The following SIAH2 variants were observed in gnomAD, a reference collection of about 807,000 sequenced individuals.
The protein encoded by SIAH2 is siah E3 ubiquitin protein ligase 2, also known as E3 ubiquitin-protein ligase SIAH2.
In SIAH2, 4 loss-of-function variants were observed where a neutral mutation model predicts 20.4. The observed-to-expected ratio is 0.20, with a 90% CI of 0.10 to 0.45. SIAH2 has a LOEUF of 0.45. Among genes scored for constraint, SIAH2 ranks in the 20% least tolerant of loss-of-function variants. SIAH2 has a pLI of 0.99. For missense variants in SIAH2, 259 were observed against 440.3 expected (o/e 0.59, Z 3.69); for synonymous variants, 171 against 192.5 (o/e 0.89, Z 0.93).
chr3:150,763,007 G>A lies in SIAH2; in HGVS notation c.-158C>T. 6 of 820,362 alleles carry A rather than the reference G, an allele frequency of 7.3e-6. No homozygotes were observed. Among genetic ancestry groups the A allele is most frequent in the Non-Finnish European group, 9.1e-6 (6 of 658,710 alleles). 50.8% of individuals were successfully genotyped at this position (820,362 alleles called of 1,614,324 possible). A position where few individuals can be genotyped will look rare whatever the true frequency, so the allele number is the denominator to read the frequency against. ...AGACGCTCGGCGCCCGGCAGGCGGA[G>A]GGCTGGACCGCGCTGATGCACTCCG... On this transcript the variant is annotated 5_prime_UTR_variant, in exon 1 of 2. Transcript: ENST00000312960. The surrounding 1 kb of genome is among the most constrained non-coding windows in gnomAD (Gnocchi z 4.1).
Position 150,762,309 on chromosome 3 carries a change from C to T in SIAH2, c.417+124G>A. ...TGAGGGAGGGTGGACGAAGTGTAAA[C>T]ATTTTTTCTTTTTTTTTTTTAAATG... is the stretch of plus-strand genomic sequence containing the variant. On this transcript the variant is annotated intron_variant, in intron 1 of 1. Transcript: ENST00000312960. This position sits in a 1 kb window ranked among gnomAD's most constrained non-coding sequence, Gnocchi z 6.6. 2 of 1,468,300 alleles carry T rather than the reference C, an allele frequency of 1.4e-6. No individual in the cohort carries two copies. Among genetic ancestry groups the T allele is most frequent in the African/African-American group, 1.5e-5 (1 of 66,090 alleles). The allele number at this position is 1,468,300 out of a possible 1,614,324, so 91.0% of individuals were successfully genotyped here. A position where few individuals can be genotyped will look rare whatever the true frequency, so the allele number is the denominator to read the frequency against.
At chr3:150,747,830 G>C (rs552184328) in intron 1 of SIAH2, among the ~76,000 whole-genome samples, 1 of 151,932 alleles carries the variant, frequency 6.6e-6, no homozygotes, top group East Asian at 1.9e-4. Context: ...CGGTTGTGGT[G>C]GTGGGCACCT....
At chr3:150,754,351 G>A (rs1714435837) in intron 1 of SIAH2, among the ~76,000 whole-genome samples, 1 of 152,182 alleles carries the variant, frequency 6.6e-6, no homozygotes, top group African/African-American at 2.4e-5. Flanking sequence ...AGGAGCAAGG[G>A]TGGGAGAGGT....
chr3:150,754,772 A>G (rs1229458405), intron 1 of SIAH2, among the ~76,000 whole-genome samples: 1 of 152,202 alleles, frequency 6.6e-6, no homozygotes, highest in East Asian at 1.9e-4. Context: ...AATATAATAC[A>G]TATAATTTAA....
chr3:150,756,264 C>G (rs1714483180), intron 1 of SIAH2, among the ~76,000 whole-genome samples: 1 of 152,200 alleles, frequency 6.6e-6, no homozygotes, highest in Admixed American at 6.5e-5. Context: ...TGTGTATGAT[C>G]ATGTCCTGAA....
chr3:150,749,815 T>C (rs151028741), intron 1 of SIAH2, among the ~76,000 whole-genome samples: 3 of 152,306 alleles, frequency 2.0e-5, no homozygotes, highest in East Asian at 3.9e-4. Context: ...GCATTCTCCA[T>C]TGTCCTCTGA....
intron 1 of SIAH2, among the ~76,000 whole-genome samples, chr3:150,751,900 T>A (rs372806713): frequency 5.3e-5 from 8 of 152,250 alleles, no homozygotes; most frequent in Admixed American, 2.0e-4. Flanking sequence ...CACCCTGCTA[T>A]CAAGGGAGGG....
intron 1 of SIAH2, among the ~76,000 whole-genome samples, chr3:150,746,893 G>A (rs1714225863): frequency 6.6e-6 from 1 of 152,242 alleles, no homozygotes; most frequent in African/African-American, 2.4e-5. Context: ...ATGATCGCTA[G>A]CAAAGCACGG....
chr3:150,757,538 G>A (rs1306607662), intron 1 of SIAH2, among the ~76,000 whole-genome samples: 1 of 152,198 alleles, frequency 6.6e-6, no homozygotes, highest in East Asian at 1.9e-4. Flanking sequence ...CAGGCTCAAG[G>A]AATGCTTCTA....
intron 1 of SIAH2, among the ~76,000 whole-genome samples, chr3:150,746,043 G>A (rs1714204528): frequency 6.6e-6 from 1 of 152,158 alleles, no homozygotes; most frequent in South Asian, 2.1e-4. Flanking sequence ...AGTGGATTGT[G>A]GATGGAGTTG....
chr3:150,758,082 T>C, intron 1 of SIAH2, among the ~76,000 whole-genome samples: 1 of 152,200 alleles, frequency 6.6e-6, no homozygotes, highest in Non-Finnish European at 1.5e-5. Context: ...AGAAAGTTTG[T>C]CTCCACTGAA....
At chr3:150,752,610 G>A (rs535972180) in intron 1 of SIAH2, among the ~76,000 whole-genome samples, 5 of 151,582 alleles carry the variant, frequency 3.3e-5, no homozygotes, top group South Asian at 4.2e-4. Context: ...CTCCATCTCA[G>A]TATTAAAAAA....
rs1040353171 is a variant in SIAH2 at position 150,741,227 on chromosome 3, G to A, written c.*914C>T. 2.0e-5 allele frequency: 3 copies of A among 152,762 alleles called. No individual in the cohort carries two copies. Among genetic ancestry groups the A allele is most frequent in the African/African-American group, 7.2e-5 (3 of 41,570 alleles). 9.5% of individuals were successfully genotyped at this position (152,762 alleles called of 1,614,324 possible). On this transcript the variant is annotated 3_prime_UTR_variant, in exon 2 of 2. Transcript: ENST00000312960. Reference sequence around the variant, plus strand: ...AAGCATATGACACACCGGTTATAAAGCTTTTCCAACTCTACTGATTTAGTC... The same window carrying A: ...AAGCATATGACACACCGGTTATAAAACTTTTCCAACTCTACTGATTTAGTC...
At chr3:150,756,665 A>G (rs1187363635) in intron 1 of SIAH2, among the ~76,000 whole-genome samples, 1 of 152,218 alleles carries the variant, frequency 6.6e-6, no homozygotes, top group Non-Finnish European at 1.5e-5. Context: ...CCTGTGAAAA[A>G]TCTTTGGCCA....
chr3:150,749,395 C>A (rs1350004167), intron 1 of SIAH2, among the ~76,000 whole-genome samples: 1 of 151,874 alleles, frequency 6.6e-6, no homozygotes, highest in African/African-American at 2.4e-5. Flanking sequence ...GTCCCGGCTA[C>A]TAGGAGGGCA....
In SIAH2 at chr3:150,762,806, C is replaced by A. The variant is rs1244906789; in HGVS notation, c.44G>T (p.Cys15Phe). 4.9e-6 allele frequency: 6 copies of A among 1,227,886 alleles called. No homozygotes were observed. The highest frequency in any genetic ancestry group is 3.4e-5 in the South Asian group (1 of 29,262). 76.1% of individuals were successfully genotyped at this position (1,227,886 alleles called of 1,614,324 possible). The change falls in exon 1 of 2, where the codon TGC becomes TTC. Residue 15 changes from cysteine to phenylalanine, a missense_variant. Coordinates refer to ENST00000312960, the MANE Select transcript of SIAH2 (RefSeq NM_005067.7). The surrounding 1 kb of genome is among the most constrained non-coding windows in gnomAD (Gnocchi z 6.6). ...SSTGPSANKP[C>F]SKQPPPQPQH... ...GGGCTGCGGCGGCGGCTGCTTGCTG[C>A]AGGGTTTATTAGCGCTGGGGCCGGT...
rs528416423 is a variant in SIAH2 at position 150,743,638 on chromosome 3, T to C, written c.418-940A>G. On this transcript the variant is annotated intron_variant, in intron 1 of 1. Coordinates refer to ENST00000312960, the MANE Select transcript of SIAH2 (RefSeq NM_005067.7). ...GCCTTAATAGGGTAGGAGAACAAAA[T>C]CATTTTCTCCCTTGCACTTGGGATG... is the stretch of plus-strand genomic sequence containing the variant. Among the ~76,000 whole-genome samples the C allele has an allele frequency of 3.2e-4, 49 of 152,208 alleles. No homozygotes were observed. In the South Asian group the frequency reaches 1.0e-2, roughly 31 times the overall value.
chr3:150,749,097 T>A (rs941434215), intron 1 of SIAH2, among the ~76,000 whole-genome samples: 1 of 152,140 alleles, frequency 6.6e-6, no homozygotes, highest in Non-Finnish European at 1.5e-5. Flanking sequence ...GCACAAATGA[T>A]AAAGCAACTG....
At chr3:150,754,310 G>A (rs1221238517) in intron 1 of SIAH2, among the ~76,000 whole-genome samples, 1 of 152,188 alleles carries the variant, frequency 6.6e-6, no homozygotes, top group Non-Finnish European at 1.5e-5. Flanking sequence ...GGAAGGCAAA[G>A]GGGGAGTGAG....
Sources: gnomAD v4.1 joint callset for allele counts (sites outside exome capture counted in the v4.1 genomes callset) on GRCh38, gnomAD v4.1.1 for gene constraint, Gnocchi (gnomAD v3.1) non-coding constraint, MANE v1.5 for transcripts, NCBI Gene and HGNC (gene_info 2026-07-23, HGNC 2026-07-21) for gene names.